Variants in SHANK1 observed in about 807,000 individuals in gnomAD.
SHANK1 encodes the protein SH3 and multiple ankyrin repeat domains protein 1.
In SHANK1, 35 loss-of-function variants were observed where a neutral mutation model predicts 165.6. That is an observed-to-expected ratio of 0.21 (90% CI 0.16 to 0.28). SHANK1 has a LOEUF of 0.28. Ranked by LOEUF, SHANK1 falls within the 10% of genes least tolerant of loss-of-function variation. SHANK1 has a pLI of 1.00. For missense variants in SHANK1, 2,681 were observed against 3,036.4 expected (o/e 0.88, Z 2.75); for synonymous variants, 1,428 against 1,384.8 (o/e 1.03, Z -0.69).
intron 12 of SHANK1, among the ~76,000 whole-genome samples, chr19:50,700,307 G>A (rs1445902430): frequency 6.9e-6 from 1 of 145,572 alleles, no homozygotes; most frequent in African/African-American, 2.6e-5. Context: ...GGAGGGCTCG[G>A]GGCATTGGAG....
At chr19:50,699,441 G>A (rs1986835508) in intron 12 of SHANK1, among the ~76,000 whole-genome samples, 1 of 152,204 alleles carries the variant, frequency 6.6e-6, no homozygotes, top group Non-Finnish European at 1.5e-5. Context: ...GAAGCCAGAT[G>A]GGAGTATATA....
rs57480239 is a variant in SHANK1 at position 50,677,259 on chromosome 19, C to T, written c.2578-5145G>A. Reference sequence around the variant, plus strand: ...TCTCTTGCCTCAGCCTCCTGAGTAGCTGAGACTATAGGTTCCCACCACCAC... The same window carrying T: ...TCTCTTGCCTCAGCCTCCTGAGTAGTTGAGACTATAGGTTCCCACCACCAC... On this transcript the variant is annotated intron_variant, in intron 21 of 23. Coordinates refer to ENST00000293441, the MANE Select transcript of SHANK1 (RefSeq NM_016148.5). Among the ~76,000 whole-genome samples the T allele has an allele frequency of 4.3e-3, 650 of 151,914 alleles. 5 individuals carry two copies. The highest frequency in any genetic ancestry group is 0.015 in the African/African-American group (616 of 41,396).
rs1312292407 is a variant in SHANK1 at position 50,662,572 on chromosome 19, G to C, written c.5879C>G (p.Pro1960Arg). The C allele has an allele frequency of 2.6e-6, 4 of 1,564,094 alleles. No individual in the cohort carries two copies. In the Admixed American group the frequency reaches 7.7e-5, roughly 30 times the overall value. The change falls in exon 24 of 24, where the codon CCT becomes CGT. Residue 1960 changes from proline (P) to arginine (R), a missense_variant. By Grantham distance (103) the Pro-to-Arg change is moderately radical (BLOSUM62 -2). Coordinates refer to ENST00000293441, the MANE Select transcript of SHANK1 (RefSeq NM_016148.5). This position sits in a 1 kb window ranked among gnomAD's most constrained non-coding sequence, Gnocchi z 7.7. ...PPLPTGTGVS[P>R]TAAAAPGATS... ...GGCCCCTGGGGCCGCAGCGGCTGTAGGGGAGACCCCTGTTCCGGTGGGGAG... is the reference window on the plus strand; with the variant it reads ...GGCCCCTGGGGCCGCAGCGGCTGTACGGGAGACCCCTGTTCCGGTGGGGAG...
chr19:50,715,671 C>G lies in SHANK1; in HGVS notation c.519G>C (p.Lys173Asn), dbSNP rs2089061492. 1 of 1,613,914 alleles carries G rather than the reference C, an allele frequency of 6.2e-7. No homozygotes were observed. Among genetic ancestry groups the G allele is most frequent in the Non-Finnish European group, 8.5e-7 (1 of 1,180,008 alleles). The change falls in exon 4 of 24, where the codon AAG (lysine) becomes AAC (asparagine). Residue 173 changes from lysine to asparagine, a missense_variant. Lys to Asn is a moderately conservative substitution (Grantham distance 94). Transcript: ENST00000293441. ...QTNLDEKQLA[K>N]LHTKTGLKKF... ...AGGGTTTTCTCACCTTCGTGTGCAACTTGGCCAGCTGCTTCTCATCCAGGT... is the reference window on the plus strand; with the variant it reads ...AGGGTTTTCTCACCTTCGTGTGCAAGTTGGCCAGCTGCTTCTCATCCAGGT...
Position 50,697,034 on chromosome 19 carries a change from C to G in SHANK1, c.1964+62G>C. 1 of 1,336,492 alleles carries G rather than the reference C, an allele frequency of 7.5e-7. No homozygotes were observed. The highest frequency in any genetic ancestry group is 1.0e-6 in the Non-Finnish European group (1 of 959,300). The allele number at this position is 1,336,492 out of a possible 1,614,324, so 82.8% of individuals were successfully genotyped here. Reference sequence around the variant, plus strand: ...CTGGTCGTGCACACACGTTCACACGCCCCCCAGGCACCCCGTCCTTCCCCT... The same window carrying G: ...CTGGTCGTGCACACACGTTCACACGGCCCCCAGGCACCCCGTCCTTCCCCT... On this transcript the variant is annotated intron_variant, in intron 15 of 23. Transcript: ENST00000293441. This position sits in a 1 kb window ranked among gnomAD's most constrained non-coding sequence, Gnocchi z 4.7.
intron 21 of SHANK1, among the ~76,000 whole-genome samples, chr19:50,683,070 G>A (rs1000365893): frequency 2.0e-5 from 3 of 152,146 alleles, no homozygotes; most frequent in African/African-American, 7.2e-5. Context: ...AAGCTCCAGG[G>A]ATCAGCCAGC....
intron 21 of SHANK1, among the ~76,000 whole-genome samples, chr19:50,680,628 C>T (rs1986145763): frequency 6.6e-6 from 1 of 151,666 alleles, no homozygotes. Context: ...TGAAATCTCC[C>T]AGTTTCCAAG....
intron 11 of SHANK1, among the ~76,000 whole-genome samples, chr19:50,703,173 G>GC (rs1273535065): frequency 1.4e-5 from 2 of 142,002 alleles, no homozygotes; most frequent in Non-Finnish European, 1.5e-5. Context: ...TCAAGTCCCT[G>GC]CCACCCCCCC....
intron 15 of SHANK1, among the ~76,000 whole-genome samples, chr19:50,694,286 G>A (rs564629022): frequency 6.6e-6 from 1 of 151,790 alleles, no homozygotes; most frequent in East Asian, 2.0e-4. Flanking sequence ...GTGACACGCA[G>A]CGGAAAAAGA....
chr19:50,669,353 T>A, intron 22 of SHANK1, 68 bp from the exon 23 acceptor site: 1 of 1,052,428 alleles, frequency 9.5e-7, no homozygotes, highest in Non-Finnish European at 1.4e-6. Flanking sequence ...CACTATCCCA[T>A]AGAACCGCAA....
chr19:50,689,078 G>C, intron 16 of SHANK1, 110 bp from the exon 17 acceptor site: 1 of 1,098,874 alleles, frequency 9.1e-7, no homozygotes, highest in Non-Finnish European at 1.4e-6. Flanking sequence ...TGAGGGACCA[G>C]CACCCCGGGG....
rs747414163 is a variant in SHANK1, at chr19:50,702,570, C to G, written c.1644G>C (p.Arg548Ser). The G allele has an allele frequency of 6.2e-7, 1 of 1,611,532 alleles. No individual in the cohort carries two copies. The highest frequency in any genetic ancestry group is 8.5e-7 in the Non-Finnish European group (1 of 1,179,330). Residue 548 changes from arginine (R) to serine (S), a missense_variant, in exon 12 of 24, where the codon AGG (arginine) becomes AGC (serine). Physicochemically the swap from Arg to Ser is moderately radical, Grantham distance 110. Coordinates refer to ENST00000293441, the MANE Select transcript of SHANK1 (RefSeq NM_016148.5). This position sits in a 1 kb window ranked among gnomAD's most constrained non-coding sequence, Gnocchi z 5.3. Reference sequence around the variant, plus strand: ...GTCCGGGTACCGCTGAGTAGAGCTTCCTCCGCCTCCCGCGGCTGCCCAGGG... The same window carrying G: ...GTCCGGGTACCGCTGAGTAGAGCTTGCTCCGCCTCCCGCGGCTGCCCAGGG... ...GGSLGSRGRR[R>S]KLYSAVPGRS...
chr19:50,688,711 G>A lies in SHANK1; in HGVS notation c.2172+133C>T, dbSNP rs73598635. 2,359 of 775,984 alleles carry A rather than the reference G, an allele frequency of 3.0e-3. 40 individuals are homozygous for A. The African/African-American group carries it at 0.035, about 11-fold the overall frequency. The allele number at this position is 775,984 out of a possible 1,614,324, so 48.1% of individuals were successfully genotyped here. ...CGCTGGGGAAAGCAGAGGCTGGCTG[G>A]GGGGTGGGCAGGGGGCTGGGAATCC... On this transcript the variant is annotated intron_variant, in intron 17 of 23. Coordinates refer to ENST00000293441, the MANE Select transcript of SHANK1 (RefSeq NM_016148.5). This position sits in a 1 kb window ranked among gnomAD's most constrained non-coding sequence, Gnocchi z 6.7.
Position 50,713,970 on chromosome 19 carries a change from G to T in SHANK1, c.641-21C>A, listed in dbSNP as rs371374652. 2.7e-5 allele frequency: 43 copies of T among 1,613,226 alleles called. No individual in the cohort carries two copies. In the African/African-American group the frequency reaches 4.8e-4, roughly 18 times the overall value. ...GGTCTCTGAAGGGCGGGAAAAGCTG[G>T]TCACATGAAGCCCCTTCTCCTCCCC... On this transcript the variant is annotated intron_variant, in intron 5 of 23. Transcript: ENST00000293441. The surrounding 1 kb of genome is among the most constrained non-coding windows in gnomAD (Gnocchi z 6.2).
intron 8 of SHANK1, 30 bp from the exon 9 acceptor site, chr19:50,704,544 AAGAG>A (rs755146308): frequency 1.9e-6 from 3 of 1,593,326 alleles, no homozygotes; most frequent in East Asian, 2.2e-5. Context: ...GCACAGGACA[AAGAG>A]AGAGAGAAAA....
chr19:50,687,871 A>C lies in SHANK1; in HGVS notation c.2308+52T>G. The stretch of plus-strand genomic sequence containing the variant: ...CAGCAACCAGCCCTGGGGCTCCCGC[A>C]GGGCTGAGCCTGGTGGCAGTGGGGT... On this transcript the variant is annotated intron_variant, in intron 18 of 23. Coordinates refer to ENST00000293441, the MANE Select transcript of SHANK1 (RefSeq NM_016148.5). 4.3e-6 allele frequency: 7 copies of C among 1,610,156 alleles called. No individual in the cohort carries two copies. The South Asian group carries it at 7.7e-5, about 18-fold the overall frequency.
rs910416330 is a variant in SHANK1 at position 50,703,544 on chromosome 19, C to T, written c.1509G>A (p.Gly503=). Residue 503 remains glycine, a synonymous_variant, in exon 11 of 24, where the codon GGG becomes GGA. Coordinates refer to ENST00000293441, the MANE Select transcript of SHANK1 (RefSeq NM_016148.5). ...RGARARSPSR[G]RHPEDAKRQP... ...GCCTCTTGGCGTCCTCAGGGTGCCTCCCTCGGGATGGAGAGCGGGCCCTGG... is the reference window on the plus strand; with the variant it reads ...GCCTCTTGGCGTCCTCAGGGTGCCTTCCTCGGGATGGAGAGCGGGCCCTGG... 9 of 1,551,574 alleles carry T rather than the reference C, an allele frequency of 5.8e-6. No individual in the cohort carries two copies. Among genetic ancestry groups the T allele is most frequent in the East Asian group, 2.4e-5 (1 of 41,890 alleles).
chr19:50,686,619 G>C lies in SHANK1; in HGVS notation c.2458+125C>G. The C allele has an allele frequency of 1.1e-6, 1 of 896,308 alleles. No individual in the cohort carries two copies. The highest frequency in any genetic ancestry group is 1.7e-6 in the Non-Finnish European group (1 of 582,474). The allele number at this position is 896,308 out of a possible 1,614,324, so 55.5% of individuals were successfully genotyped here. A position where few individuals can be genotyped will look rare whatever the true frequency, so the allele number is the denominator to read the frequency against. On this transcript the variant is annotated intron_variant, in intron 20 of 23. Transcript: ENST00000293441. The surrounding 1 kb of genome is among the most constrained non-coding windows in gnomAD (Gnocchi z 5.7). ...GAGAGGGCGGGCGGAGGGAGGGGAG[G>C]TGGGATCGCAGCCTCTCTGGGGCAG...
At position 50,710,289 on chromosome 19, in the gene SHANK1, C is replaced by T. The variant is rs898500094; in HGVS notation, c.1077+1082G>A. On this transcript the variant is annotated intron_variant, in intron 8 of 23. Transcript: ENST00000293441. ...AGGCATACTGCTGGCTGCCACAAGG[C>T]GGCACGTGGCCACCCGCCAAATCCC... 1.4e-4 allele frequency among the ~76,000 whole-genome samples: 22 copies of T among 152,308 alleles called. No homozygotes were observed. In the East Asian group the frequency reaches 3.3e-3, roughly 23 times the overall value.
Sources: allele counts gnomAD v4.1 joint callset (sites outside exome capture counted in the v4.1 genomes callset), GRCh38; gene constraint gnomAD v4.1.1; non-coding constraint Gnocchi (gnomAD v3.1); transcripts MANE v1.5; gene names NCBI Gene and HGNC (gene_info 2026-07-23, HGNC 2026-07-21).